NCKAP5: variants seen among roughly 807,000 people sequenced by gnomAD.
NCKAP5 encodes the protein nck-associated protein 5.
NCKAP5 carries 92 observed loss-of-function variants against 167.0 expected under a neutral mutation model. The ratio of observed to expected loss-of-function variants is 0.55; its 90% CI spans 0.47 to 0.66. NCKAP5 has a LOEUF of 0.66. NCKAP5 is among the 30% of genes least tolerant of loss of function. The probability of loss-of-function intolerance (pLI) is 0.00; values close to 1 mark genes in which losing one functional copy is unlikely to be tolerated. For missense variants in NCKAP5, 2,378 were observed against 2,315.0 expected (o/e 1.03, Z -0.56); for synonymous variants, 891 against 877.4 (o/e 1.02, Z -0.27).
intron 5 of NCKAP5, among the ~76,000 whole-genome samples, chr2:133,204,718 C>T (rs1204232772): frequency 6.6e-6 from 1 of 152,194 alleles, no homozygotes; most frequent in Non-Finnish European, 1.5e-5. Context: ...GAAATTAAAA[C>T]TCCCACTGAC....
At chr2:132,771,732 G>A (rs1682072534) in intron 16 of NCKAP5, among the ~76,000 whole-genome samples, 1 of 151,448 alleles carries the variant, frequency 6.6e-6, no homozygotes, top group Admixed American at 6.6e-5. Flanking sequence ...GAGTGCATTG[G>A]CATGATCTCG....
At chr2:133,303,740 C>G (rs1680573737) in intron 3 of NCKAP5, among the ~76,000 whole-genome samples, 1 of 151,720 alleles carries the variant, frequency 6.6e-6, no homozygotes, top group Non-Finnish European at 1.5e-5. Flanking sequence ...ATTTATTTCT[C>G]TAAATCAAAC....
intron 3 of NCKAP5, among the ~76,000 whole-genome samples, chr2:133,306,083 TA>T (rs1264586221): frequency 6.6e-6 from 1 of 152,236 alleles, no homozygotes; most frequent in African/African-American, 2.4e-5. Flanking sequence ...AAAATAGGAT[TA>T]CTCCTAGGGG....
intron 2 of NCKAP5, among the ~76,000 whole-genome samples, chr2:133,554,731 C>A (rs1413292331): frequency 6.6e-6 from 1 of 152,134 alleles, no homozygotes; most frequent in African/African-American, 2.4e-5. Flanking sequence ...ATGACAAGAA[C>A]CAAGTTCATT....
intron 3 of NCKAP5, among the ~76,000 whole-genome samples, chr2:133,353,263 A>G (rs1684486312): frequency 6.6e-6 from 1 of 152,178 alleles, no homozygotes; most frequent in East Asian, 1.9e-4. Flanking sequence ...GGAGGAAGTA[A>G]TGGGATTATC....
intron 8 of NCKAP5, among the ~76,000 whole-genome samples, chr2:132,901,457 G>A (rs1558920735): frequency 6.6e-6 from 1 of 152,150 alleles, no homozygotes; most frequent in Non-Finnish European, 1.5e-5. Context: ...TTAAACCCGA[G>A]GAGACACTGC....
chr2:133,117,343 T>C (rs1296514295), intron 6 of NCKAP5: 3 of 152,152 alleles, frequency 2.0e-5, no homozygotes, highest in African/African-American at 7.2e-5. Flanking sequence ...CATCTAAGAG[T>C]TCTTTCCTCA....
At chr2:133,031,837 G>A (rs2078890869) in intron 6 of NCKAP5, among the ~76,000 whole-genome samples, 3 of 152,112 alleles carry the variant, frequency 2.0e-5, no homozygotes. Context: ...CTAGTTCCCA[G>A]ACCACATATC....
intron 16 of NCKAP5, among the ~76,000 whole-genome samples, chr2:132,744,094 G>T (rs13002709): frequency 0.63 from 94,993 of 151,382 alleles, 31,587 homozygotes; most frequent in East Asian, 0.86. Context: ...AAATTAAAAT[G>T]AAAAGTCTTC....
chr2:133,390,866 A>C (rs1351634990), intron 3 of NCKAP5, among the ~76,000 whole-genome samples: 2 of 152,240 alleles, frequency 1.3e-5, no homozygotes. Context: ...AGGGGCAAGA[A>C]CCACTGCCTT....
At chr2:132,771,787 C>G (rs1574148596) in intron 16 of NCKAP5, among the ~76,000 whole-genome samples, 2 of 151,788 alleles carry the variant, frequency 1.3e-5, no homozygotes, top group East Asian at 3.9e-4. Flanking sequence ...GTTCTCCTGC[C>G]TCAGCCTCCT....
At chr2:133,464,815 C>A (rs1692441032) in intron 3 of NCKAP5, among the ~76,000 whole-genome samples, 1 of 151,972 alleles carries the variant, frequency 6.6e-6, no homozygotes, top group Admixed American at 6.6e-5. Context: ...TCAGCTTTGT[C>A]TGGACTGAGA....
intron 3 of NCKAP5, among the ~76,000 whole-genome samples, chr2:133,349,212 C>T (rs568136988): frequency 4.3e-4 from 65 of 152,328 alleles, no homozygotes; most frequent in Non-Finnish European, 7.8e-4. Context: ...GAATCACTAT[C>T]TTGTTTCCCT....
intron 6 of NCKAP5, among the ~76,000 whole-genome samples, chr2:132,995,634 G>C (rs954761796): frequency 7.1e-6 from 1 of 141,274 alleles, no homozygotes; most frequent in Non-Finnish European, 1.5e-5. Flanking sequence ...CTGGGCGACA[G>C]AGACTCTATC....
chr2:133,112,473 TA>T (rs11333696), intron 6 of NCKAP5, among the ~76,000 whole-genome samples: 34,708 of 145,416 alleles, frequency 0.24, 4,452 homozygotes, highest in East Asian at 0.53. Context: ...GACTCCGTCT[TA>T]AAAAAAAAAA....
chr2:133,128,609 T>C (rs931814227), intron 6 of NCKAP5, among the ~76,000 whole-genome samples: 4 of 151,160 alleles, frequency 2.6e-5, no homozygotes, highest in Non-Finnish European at 5.9e-5. Context: ...TTTTTTTTTT[T>C]GTTTTTGTAA....
intron 6 of NCKAP5, among the ~76,000 whole-genome samples, chr2:133,040,041 C>A: frequency 6.6e-6 from 1 of 151,924 alleles, no homozygotes; most frequent in East Asian, 1.9e-4. Context: ...CCTGTATCAC[C>A]TTTACTCAGA....
intron 19 of NCKAP5, among the ~76,000 whole-genome samples, chr2:132,723,181 T>C (rs1690109266): frequency 1.4e-5 from 2 of 143,348 alleles, no homozygotes; most frequent in African/African-American, 5.3e-5. Context: ...AGTCTTGCTC[T>C]GTCGTCCAGG....
intron 8 of NCKAP5, among the ~76,000 whole-genome samples, chr2:132,893,180 G>A (rs1392404192): frequency 6.6e-6 from 1 of 152,182 alleles, no homozygotes; most frequent in African/African-American, 2.4e-5. Context: ...GAATGTGGAA[G>A]AACAGGCACA....
Sources: allele counts gnomAD v4.1 joint callset (sites outside exome capture counted in the v4.1 genomes callset), GRCh38; gene constraint gnomAD v4.1.1; transcripts MANE v1.5; gene names NCBI Gene and HGNC (gene_info 2026-07-23, HGNC 2026-07-21).